Variants in TNNI3K observed in about 807,000 individuals in gnomAD.
The protein encoded by TNNI3K is serine/threonine-protein kinase TNNI3K.
A neutral mutation model predicts 114.5 loss-of-function variants in TNNI3K; 140 were observed. The observed-to-expected ratio is 1.22, with a 90% CI of 1.07 to 1.41. The LOEUF is 1.41. Ranked by LOEUF, TNNI3K falls within the 40% of genes most tolerant of loss-of-function variation. TNNI3K has a pLI of 0.00. For missense variants in TNNI3K, 1,125 were observed against 1,007.6 expected (o/e 1.12, Z -1.58); for synonymous variants, 347 against 347.5 (o/e 1.00, Z 0.02).
intron 5 of TNNI3K, among the ~76,000 whole-genome samples, chr1:74,325,582 C>G (rs1211547657): frequency 2.0e-5 from 3 of 152,114 alleles, no homozygotes; most frequent in African/African-American, 4.8e-5. Flanking sequence ...TAAAAAGCAT[C>G]CATGAGAATG....
intron 4 of TNNI3K, among the ~76,000 whole-genome samples, chr1:74,267,054 A>G (rs1285043067): frequency 3.3e-5 from 5 of 151,926 alleles, no homozygotes; most frequent in Admixed American, 2.0e-4. Context: ...ATTGAATAAT[A>G]ATGCTTTAAA....
At chr1:74,509,109 C>T (rs530246135) in intron 23 of TNNI3K, among the ~76,000 whole-genome samples, 5 of 152,258 alleles carry the variant, frequency 3.3e-5, no homozygotes, top group Admixed American at 6.5e-5. Flanking sequence ...CACTTATTCT[C>T]TTTGAGATAG....
chr1:74,299,001 A>G (rs1005841495), intron 5 of TNNI3K, among the ~76,000 whole-genome samples: 9 of 152,152 alleles, frequency 5.9e-5, no homozygotes, highest in African/African-American at 1.4e-4. Context: ...TTGAAAAGAT[A>G]TATCATCTGA....
At chr1:74,481,635 T>A (rs1349403270) in intron 21 of TNNI3K, among the ~76,000 whole-genome samples, 2 of 152,224 alleles carry the variant, frequency 1.3e-5, no homozygotes, top group Non-Finnish European at 2.9e-5. Context: ...TCCAATGAAG[T>A]CCATCATGTG....
At chr1:74,390,370 G>GA (rs1663700476) in intron 17 of TNNI3K, among the ~76,000 whole-genome samples, 1 of 152,072 alleles carries the variant, frequency 6.6e-6, no homozygotes, top group African/African-American at 2.4e-5. Context: ...TGCTTTGATT[G>GA]TGTAACAGCA....
intron 11 of TNNI3K, among the ~76,000 whole-genome samples, chr1:74,360,655 C>T (rs931166844): frequency 6.6e-6 from 1 of 152,014 alleles, no homozygotes; most frequent in Admixed American, 6.6e-5. Context: ...TCTCTGTCCT[C>T]TCCATGTCAC....
chr1:74,289,378 G>T (rs1215006025), intron 5 of TNNI3K, among the ~76,000 whole-genome samples: 1 of 151,848 alleles, frequency 6.6e-6, no homozygotes, highest in African/African-American at 2.4e-5. Flanking sequence ...TATAAAAAAA[G>T]AATTTGGACT....
rs191609376 is a variant in TNNI3K, at chr1:74,457,102, C to A, written c.2012-6339C>A. Among the ~76,000 whole-genome samples the A allele has an allele frequency of 1.1e-4, 16 of 152,150 alleles. No homozygotes were observed. The East Asian group carries it at 2.7e-3, about 26-fold the overall frequency. ...ATGTGGACTGTTCTTTGACAAGCGG[C>A]AGGAAAATAGGAGTGAGCTAAATTT... On this transcript the variant is annotated intron_variant, in intron 20 of 24. Transcript: ENST00000326637.
At chr1:74,347,065 A>G (rs1661041903) in intron 9 of TNNI3K, among the ~76,000 whole-genome samples, 1 of 151,794 alleles carries the variant, frequency 6.6e-6, no homozygotes, top group Non-Finnish European at 1.5e-5. Context: ...TTTGTTACAT[A>G]TGTATACATG....
At chr1:74,293,839 A>G (rs1052390589) in intron 5 of TNNI3K, among the ~76,000 whole-genome samples, 4 of 151,770 alleles carry the variant, frequency 2.6e-5, no homozygotes, top group Non-Finnish European at 5.9e-5. Context: ...ATGTATAGAC[A>G]TTTTTATCAC....
intron 20 of TNNI3K, 57 bp downstream of exon 20, chr1:74,439,679 A>T (rs1420223586): frequency 1.3e-6 from 2 of 1,588,350 alleles, no homozygotes; most frequent in Non-Finnish European, 1.7e-6. Flanking sequence ...GGATTTTTAT[A>T]ACTTCAAGAA....
chr1:74,542,069 CA>C (rs912870699), intron 24 of TNNI3K, among the ~76,000 whole-genome samples: 1 of 152,182 alleles, frequency 6.6e-6, no homozygotes, highest in Non-Finnish European at 1.5e-5. Flanking sequence ...GGTCAAATTT[CA>C]GTTGAGTTCT....
Position 74,482,519 on chromosome 1 carries a change from T to C in TNNI3K, c.2122-6670T>C, listed in dbSNP as rs1190214705. Among the ~76,000 whole-genome samples the C allele has an allele frequency of 3.3e-5, 5 of 152,214 alleles. No individual in the cohort carries two copies. In the East Asian group the frequency reaches 9.6e-4, roughly 29 times the overall value. On this transcript the variant is annotated intron_variant, in intron 21 of 24. Coordinates refer to ENST00000326637, the MANE Select transcript of TNNI3K (RefSeq NM_015978.3). ...TATCCATGAAAACCTCTCTGTCCTG[T>C]CAAGGATGGTGACAACATCTACCTC... is the stretch of plus-strand genomic sequence containing the variant.
At chr1:74,349,694 T>A (rs981661715) in intron 9 of TNNI3K, among the ~76,000 whole-genome samples, 2 of 152,218 alleles carry the variant, frequency 1.3e-5, no homozygotes, top group Non-Finnish European at 2.9e-5. Flanking sequence ...CCTGGTTTAG[T>A]CTTGGGAGAG....
intron 23 of TNNI3K, among the ~76,000 whole-genome samples, chr1:74,501,074 G>T (rs1367888973): frequency 1.3e-5 from 2 of 151,844 alleles, no homozygotes; most frequent in Non-Finnish European, 2.9e-5. Flanking sequence ...TTCTTCTTTA[G>T]TATCTCTTTC....
chr1:74,279,226 C>G (rs1656860584), intron 5 of TNNI3K, among the ~76,000 whole-genome samples: 2 of 152,182 alleles, frequency 1.3e-5, no homozygotes, highest in South Asian at 4.1e-4. Flanking sequence ...AAGGCCCCTA[C>G]TCCAGACGAT....
At chr1:74,354,207 C>T in intron 11 of TNNI3K, 78 bp downstream of exon 11, 1 of 1,575,672 alleles carries the variant, frequency 6.3e-7, no homozygotes, top group Non-Finnish European at 8.6e-7. Context: ...TCAATAATTA[C>T]TTTGCTTGCA....
chr1:74,381,020 G>T (rs1409588118), intron 17 of TNNI3K, among the ~76,000 whole-genome samples: 1 of 151,984 alleles, frequency 6.6e-6, no homozygotes, highest in Non-Finnish European at 1.5e-5. Flanking sequence ...TTTGAATTTG[G>T]CCTTGAAAAA....
chr1:74,379,287 T>C (rs1156872797), intron 17 of TNNI3K, among the ~76,000 whole-genome samples: 1 of 151,794 alleles, frequency 6.6e-6, no homozygotes, highest in Admixed American at 6.6e-5. Context: ...TTTTAAAACA[T>C]TGTCATAATC....
Sources: gnomAD v4.1 joint callset for allele counts (sites outside exome capture counted in the v4.1 genomes callset) on GRCh38, gnomAD v4.1.1 for gene constraint, MANE v1.5 for transcripts, NCBI Gene and HGNC (gene_info 2026-07-23, HGNC 2026-07-21) for gene names.